Variants in MSI2 observed in about 807,000 individuals in gnomAD.
The protein encoded by MSI2 is RNA-binding protein Musashi homolog 2.
In MSI2, 17 loss-of-function variants were observed where a neutral mutation model predicts 45.6. The ratio of observed to expected loss-of-function variants is 0.37; its 90% CI spans 0.26 to 0.56. MSI2 has a LOEUF of 0.56. MSI2 is among the 20% of genes least tolerant of loss of function. The probability of loss-of-function intolerance (pLI) is 0.77; values close to 1 mark genes in which losing one functional copy is unlikely to be tolerated. For missense variants in MSI2, 293 were observed against 444.2 expected (o/e 0.66, Z 3.06); for synonymous variants, 156 against 158.2 (o/e 0.99, Z 0.11).
intron 8 of MSI2, among the ~76,000 whole-genome samples, chr17:57,602,939 C>T (rs1211067484): frequency 1.3e-5 from 2 of 152,196 alleles, no homozygotes; most frequent in African/African-American, 4.8e-5. Context: ...GTCTGAGAAG[C>T]ACCAGGCAAG....
chr17:57,260,265 C>T (rs1907186595), intron 4 of MSI2, among the ~76,000 whole-genome samples: 1 of 152,182 alleles, frequency 6.6e-6, no homozygotes, highest in Non-Finnish European at 1.5e-5. Context: ...GAGATCTCAG[C>T]GTGTAAACTT....
At chr17:57,355,070 A>G (rs918592155) in intron 5 of MSI2, among the ~76,000 whole-genome samples, 1 of 152,228 alleles carries the variant, frequency 6.6e-6, no homozygotes, top group Non-Finnish European at 1.5e-5. Flanking sequence ...CTTGGCCCAC[A>G]TAACTGTAAA....
At chr17:57,278,045 A>G (rs1404388283) in intron 5 of MSI2, 1 of 152,380 alleles carries the variant, frequency 6.6e-6, no homozygotes, top group South Asian at 2.1e-4. Flanking sequence ...AAAAAATACA[A>G]AAATTAGCCA....
At chr17:57,377,935 C>T (rs905759089) in intron 5 of MSI2, among the ~76,000 whole-genome samples, 13 of 152,094 alleles carry the variant, frequency 8.5e-5, no homozygotes, top group African/African-American at 3.1e-4. Context: ...ATTAGCCAGG[C>T]GTGGTGGTGT....
At chr17:57,664,657 A>C (rs554997387) in intron 11 of MSI2, among the ~76,000 whole-genome samples, 37 of 152,346 alleles carry the variant, frequency 2.4e-4, no homozygotes, top group African/African-American at 7.5e-4. Flanking sequence ...TGGGAGGGAC[A>C]GAAGCGGTTC....
chr17:57,351,535 C>T (rs576818739), intron 5 of MSI2, among the ~76,000 whole-genome samples: 1 of 152,214 alleles, frequency 6.6e-6, no homozygotes, highest in South Asian at 2.1e-4. Flanking sequence ...GGAGCCCCCA[C>T]CTACTTAGCT....
Position 57,256,768 on chromosome 17 carries a change from C to G in MSI2, c.26C>G (p.Thr9Ser), listed in dbSNP as rs1906760972. 1.4e-6 allele frequency: 2 copies of G among 1,477,770 alleles called. No homozygotes were observed. Among genetic ancestry groups the G allele is most frequent in the Non-Finnish European group, 1.8e-6 (2 of 1,116,164 alleles). The allele number at this position is 1,477,770 out of a possible 1,614,324, so 91.5% of individuals were successfully genotyped here. Residue 9 changes from threonine (T) to serine (S), a missense_variant, in exon 1 of 14, where the codon ACC becomes AGC. Transcript: ENST00000284073. ...ATGGAGGCAAATGGGAGCCAAGGCA[C>G]CTCGGGCAGCGCCAACGACTCCCAG... MEANGSQG[T>S]SGSANDSQHD...
chr17:57,693,545 A>G, the MSI2 span, among the ~76,000 whole-genome samples: 1 of 152,192 alleles, frequency 6.6e-6, no homozygotes, highest in Non-Finnish European at 1.5e-5. Flanking sequence ...TTCTCCTAGC[A>G]TTTCTGTTTG....
At chr17:57,334,218 G>A (rs1042093166) in intron 5 of MSI2, among the ~76,000 whole-genome samples, 2 of 152,272 alleles carry the variant, frequency 1.3e-5, no homozygotes, top group Non-Finnish European at 2.9e-5. Context: ...AAGCCCCCTC[G>A]AATGGAAGGG....
rs115886423 is a variant in MSI2 at position 57,280,758 on chromosome 17, T to C, written c.312+18566T>C. 6.4e-3 allele frequency among the ~76,000 whole-genome samples: 974 copies of C among 152,302 alleles called. 15 individuals carry two copies. The highest frequency in any genetic ancestry group is 0.022 in the African/African-American group (910 of 41,550). ...TTTATAAATGACATACATATACTTC[T>C]GTACTAAAATAGCATGCTCCTAATA... On this transcript the variant is annotated intron_variant, in intron 5 of 13. Transcript: ENST00000284073. The surrounding 1 kb of genome is among the most constrained non-coding windows in gnomAD (Gnocchi z 4.2).
In MSI2 at chr17:57,652,093, G is replaced by T; in HGVS notation, c.728-6G>T. 1 of 1,614,000 alleles carries T rather than the reference G, an allele frequency of 6.2e-7. No homozygotes were observed. Among genetic ancestry groups the T allele is most frequent in the South Asian group, 1.1e-5 (1 of 91,024 alleles). On this transcript the variant is annotated splice_region_variant and splice_polypyrimidine_tract_variant and intron_variant, in intron 10 of 13. Coordinates refer to ENST00000284073, the MANE Select transcript of MSI2 (RefSeq NM_138962.4). The surrounding 1 kb of genome is among the most constrained non-coding windows in gnomAD (Gnocchi z 4.1). ...CATGACTCAGGCTCCTCTCTCTCCT[G>T]ACCAGGCTTCCCAGCAGCGGCTTAT...
chr17:57,633,475 C>G (rs1315723865), intron 10 of MSI2, among the ~76,000 whole-genome samples: 3 of 152,276 alleles, frequency 2.0e-5, no homozygotes, highest in Non-Finnish European at 4.4e-5. Context: ...GAAAATGCCA[C>G]ACACATCTGG....
intron 5 of MSI2, among the ~76,000 whole-genome samples, chr17:57,395,907 C>T (rs2083879895): frequency 1.3e-5 from 2 of 152,198 alleles, no homozygotes; most frequent in East Asian, 1.9e-4. Flanking sequence ...CGAGTCATCT[C>T]ATTGACTTGA....
intron 6 of MSI2, among the ~76,000 whole-genome samples, chr17:57,417,585 G>A (rs1354263986): frequency 2.6e-5 from 4 of 152,154 alleles, no homozygotes; most frequent in Non-Finnish European, 5.9e-5. Context: ...AGGTCTGCTT[G>A]TTTGACCCAT....
intron 6 of MSI2, among the ~76,000 whole-genome samples, chr17:57,458,989 T>G (rs1240792175): frequency 2.6e-5 from 4 of 152,248 alleles, no homozygotes; most frequent in Non-Finnish European, 5.9e-5. Context: ...CGTCAGTGGT[T>G]GTTTTGCTGC....
rs780275803 is a variant in MSI2, at chr17:57,652,213, G to C, written c.790+52G>C. The C allele has an allele frequency of 1.2e-5, 19 of 1,557,206 alleles. No homozygotes were observed. The Middle Eastern group carries it at 1.7e-3, about 138-fold the overall frequency. On this transcript the variant is annotated intron_variant, in intron 11 of 13. Transcript: ENST00000284073. The surrounding 1 kb of genome is among the most constrained non-coding windows in gnomAD (Gnocchi z 4.1). ...TCCCAGGCATGCCCCCAGTGTGCAG[G>C]GGGAGGTCAAGGCCCTGTCGGATCT...
intron 5 of MSI2, among the ~76,000 whole-genome samples, chr17:57,311,962 C>T (rs1263783532): frequency 2.0e-5 from 3 of 152,160 alleles, no homozygotes; most frequent in African/African-American, 4.8e-5. Context: ...ACTCCCAAAG[C>T]GCTGGAATTA....
chr17:57,438,201 T>C (rs947234591), intron 6 of MSI2, among the ~76,000 whole-genome samples: 2 of 151,386 alleles, frequency 1.3e-5, no homozygotes, highest in Admixed American at 6.6e-5. Flanking sequence ...CCCAGAGGAG[T>C]AGGGTGTGCG....
At chr17:57,604,619 A>T (rs934947920) in intron 8 of MSI2, among the ~76,000 whole-genome samples, 8 of 152,100 alleles carry the variant, frequency 5.3e-5, no homozygotes, top group African/African-American at 1.9e-4. Context: ...GTTCCAGAAA[A>T]ATCCACTTCT....
Sources: allele counts gnomAD v4.1 joint callset (sites outside exome capture counted in the v4.1 genomes callset), GRCh38; gene constraint gnomAD v4.1.1; non-coding constraint Gnocchi (gnomAD v3.1); transcripts MANE v1.5; gene names NCBI Gene and HGNC (gene_info 2026-07-23, HGNC 2026-07-21).